Variants in KRTDAP observed in about 807,000 individuals in gnomAD.
KRTDAP encodes keratinocyte differentiation associated protein.
KRTDAP carries 14 observed loss-of-function variants against 18.6 expected under a neutral mutation model. That is an observed-to-expected ratio of 0.75 (90% CI 0.50 to 1.18). KRTDAP has a LOEUF of 1.18. Among genes scored for constraint, KRTDAP ranks in the 50% most tolerant of loss-of-function variants. KRTDAP has a pLI of 0.00. For synonymous variants in KRTDAP, 53 were observed against 49.5 expected, an observed-to-expected ratio of 1.07 and a Z score of -0.29; for missense variants, 114 against 121.3, an observed-to-expected ratio of 0.94 and a Z score of 0.28.
At chr19:35,488,970 A>C in intron 1 of KRTDAP, 130 bp from the exon 2 acceptor site, 2 of 778,248 alleles carry the variant, frequency 2.6e-6, no homozygotes, top group Non-Finnish European at 4.2e-6. Context: ...ATTCCCCACC[A>C]TGGTCTCCGT....
chr19:35,489,441 G>T (rs2067510531), intron 1 of KRTDAP, among the ~76,000 whole-genome samples: 1 of 152,082 alleles, frequency 6.6e-6, no homozygotes, highest in Non-Finnish European at 1.5e-5. Flanking sequence ...TTTGTTTTTT[G>T]GTTTGAATTA....
rs1010658199 is a variant in KRTDAP, at chr19:35,488,329, C to T, written c.213+112G>A. On this transcript the variant is annotated intron_variant, in intron 4 of 5. Transcript: ENST00000338897. The stretch of plus-strand genomic sequence containing the variant: ...GGGCAGCATCCAGGCAGGACAGTCA[C>T]TCCCTCCCAGAGATCAGGAACCAAC... The T allele has an allele frequency of 4.6e-6, 5 of 1,098,060 alleles. No individual in the cohort carries two copies. The African/African-American group carries it at 7.7e-5, about 17-fold the overall frequency. The allele number at this position is 1,098,060 out of a possible 1,614,324, so 68.0% of individuals were successfully genotyped here. A position where few individuals can be genotyped will look rare whatever the true frequency, so the allele number is the denominator to read the frequency against.
chr19:35,490,000 C>T (rs1408819656), intron 1 of KRTDAP, among the ~76,000 whole-genome samples: 2 of 152,150 alleles, frequency 1.3e-5, no homozygotes, highest in South Asian at 4.1e-4. Context: ...CTCCAGTTCC[C>T]CCTCTTCCCC....
chr19:35,488,814 C>T lies in KRTDAP; in HGVS notation c.114G>A (p.Ala38=), dbSNP rs781628840. Residue 38 remains alanine (A), a synonymous_variant, in exon 2 of 6, where the codon GCG becomes GCA. Coordinates refer to ENST00000338897, the MANE Select transcript of KRTDAP (RefSeq NM_207392.3). The part of the protein sequence containing the change: ...PEEESTIENY[A]SRPEAFNTPF... The stretch of plus-strand genomic sequence containing the variant: ...ACAGACGGCTTACCTCGGGTCGTGA[C>T]GCATAATTCTCAATGGTGCTTTCTT... The T allele has an allele frequency of 4.3e-5, 69 of 1,613,982 alleles. No homozygotes were observed. The highest frequency in any genetic ancestry group is 3.3e-4 in the Middle Eastern group (2 of 6,082).
chr19:35,488,354 C>T, intron 4 of KRTDAP, 87 bp downstream of exon 4: 3 of 1,359,168 alleles, frequency 2.2e-6, no homozygotes, highest in Non-Finnish European at 3.1e-6. Context: ...CAGGAACCAA[C>T]CCATACATTT....
At position 35,488,734 on chromosome 19, in the gene KRTDAP, T is replaced by G. The variant is rs755595202; in HGVS notation, c.127-31A>C. 37 of 1,613,960 alleles carry G rather than the reference T, an allele frequency of 2.3e-5. No individual in the cohort carries two copies. The Admixed American group carries it at 6.2e-4, about 27-fold the overall frequency. The stretch of plus-strand genomic sequence containing the variant: ...CAGAAACGCAGGGTGTTAGGAAAGT[T>G]GCTAAGAAGCAAAAAGAGAGAGAGG... On this transcript the variant is annotated intron_variant, in intron 2 of 5. Coordinates refer to ENST00000338897, the MANE Select transcript of KRTDAP (RefSeq NM_207392.3).
At chr19:35,488,978 C>A (rs890478974) in intron 1 of KRTDAP, 138 bp from the exon 2 acceptor site, 1 of 737,162 alleles carries the variant, frequency 1.4e-6, no homozygotes, top group South Asian at 1.8e-5. Flanking sequence ...CCATGGTCTC[C>A]GTTCCAGTCG....
chr19:35,490,369 AG>A lies in KRTDAP; in HGVS notation c.73del (p.Leu25TrpfsTer25), dbSNP rs2067515406. On this transcript the variant is annotated frameshift_variant, in exon 1 of 6. Coordinates refer to ENST00000338897, the MANE Select transcript of KRTDAP (RefSeq NM_207392.3). LOFTEE classifies it high-confidence loss of function. ...LVLHSAQGAT[L>X]GGPEEESTIE... ...TGACGTGCTCACCTCAGGACCACCC[AG>A]GGTGGCTCCCTGGGCAGAGTGGAGC... 3 of 1,611,748 alleles carry A rather than the reference AG, an allele frequency of 1.9e-6. No individual in the cohort carries two copies. Among genetic ancestry groups the A allele is most frequent in the South Asian group, 2.2e-5 (2 of 90,888 alleles).
intron 3 of KRTDAP, 87 bp from the exon 4 acceptor site, chr19:35,488,572 C>G (rs1166000804): frequency 1.2e-6 from 2 of 1,607,430 alleles, no homozygotes; most frequent in East Asian, 4.5e-5. Context: ...GGTGAAGGAA[C>G]CGTGGCAGCT....
rs766841840 is a variant in KRTDAP, at chr19:35,488,453, G to A, written c.201C>T (p.His67=). 18 of 1,612,964 alleles carry A rather than the reference G, an allele frequency of 1.1e-5. No homozygotes were observed. The highest frequency in any genetic ancestry group is 7.7e-5 in the South Asian group (7 of 90,868). Residue 67 remains histidine (H), a synonymous_variant, in exon 4 of 6, where the codon CAC becomes CAT. Transcript: ENST00000338897. The part of the protein sequence containing the change: ...AFKADEFLNW[H]ALFESIKRKL... ...CCGGAGCACTCACCTCAAAGAGGGC[G>A]TGCCAGTTCAGGAACTCATCAGCCT...
intron 5 of KRTDAP, 41 bp from the exon 6 acceptor site, chr19:35,487,507 G>A (rs1301718164): frequency 1.7e-5 from 26 of 1,564,522 alleles, no homozygotes; most frequent in Non-Finnish European, 2.3e-5. Flanking sequence ...GAACCCGTGG[G>A]TGCCCAGTAT....
Position 35,490,358 on chromosome 19 carries a change from C to T in KRTDAP, c.85G>A (p.Glu29Lys), listed in dbSNP as rs772437672. The T allele has an allele frequency of 1.5e-5, 24 of 1,607,506 alleles. No individual in the cohort carries two copies. The highest frequency in any genetic ancestry group is 2.0e-5 in the Non-Finnish European group (23 of 1,176,314). Reference protein sequence around the residue: ...SAQGATLGGPEEESTIENYAS... With the variant: ...SAQGATLGGPKEESTIENYAS... ...AAAAATGCAGGTGACGTGCTCACCT[C>T]AGGACCACCCAGGGTGGCTCCCTGG... is the stretch of plus-strand genomic sequence containing the variant. The change falls in exon 1 of 6, where the codon GAG (glutamate) becomes AAG (lysine). Residue 29 changes from glutamate (E) to lysine (K), a missense_variant and splice_region_variant. Glu to Lys is a moderately conservative substitution (Grantham distance 56, BLOSUM62 1). Transcript: ENST00000338897.
Position 35,488,890 on chromosome 19 carries a change from G to A in KRTDAP, c.88-50C>T, listed in dbSNP as rs777655641. 13 of 1,574,700 alleles carry A rather than the reference G, an allele frequency of 8.3e-6. No homozygotes were observed. The African/African-American group carries it at 1.1e-4, about 13-fold the overall frequency. On this transcript the variant is annotated intron_variant, in intron 1 of 5. Transcript: ENST00000338897. ...CGGCAGGGGGTCACGTGATGCCAGGGCCCTTGCCCACATCCCTGTCTGCCA... is the reference window on the plus strand; with the variant it reads ...CGGCAGGGGGTCACGTGATGCCAGGACCCTTGCCCACATCCCTGTCTGCCA...
chr19:35,488,567 A>T, intron 3 of KRTDAP, 82 bp from the exon 4 acceptor site: 1 of 1,607,804 alleles, frequency 6.2e-7, no homozygotes, highest in Non-Finnish European at 8.5e-7. Context: ...GAGAAGGTGA[A>T]GGAACCGTGG....
rs768380652 is a variant in KRTDAP, at chr19:35,487,722, G to T, written c.251C>A (p.Ala84Asp). 4 of 1,612,766 alleles carry T rather than the reference G, an allele frequency of 2.5e-6. No homozygotes were observed. Among genetic ancestry groups the T allele is most frequent in the African/African-American group, 1.3e-5 (1 of 74,848 alleles). ...KRKLPFLNWD[A>D]FPKLKGLRSA... The stretch of plus-strand genomic sequence containing the variant: ...GCCCACACCTCTTACCTTAGGAAAG[G>T]CATCCCAGTTGAGGAAAGGAAGTTT... Residue 84 changes from alanine (A) to aspartate (D), a missense_variant, in exon 5 of 6, where the codon GCC becomes GAC. Physicochemically the swap from Ala to Asp is moderately radical, Grantham distance 126. Transcript: ENST00000338897.
Position 35,488,479 on chromosome 19 carries a change from T to C in KRTDAP, c.175A>G (p.Lys59Glu). The change falls in exon 4 of 6, where the codon AAG becomes GAG. Residue 59 changes from lysine to glutamate, a missense_variant. Physicochemically the swap from Lys to Glu is moderately conservative, Grantham distance 56. Transcript: ENST00000338897. ...TGCCAGTTCAGGAACTCATCAGCCT[T>C]AAACGCCTGAGGAGGAAGAGAGACA... ...LNIDKLRSAF[K>E]ADEFLNWHAL... 1 of 1,613,660 alleles carries C rather than the reference T, an allele frequency of 6.2e-7. No individual in the cohort carries two copies. Among genetic ancestry groups the C allele is most frequent in the Non-Finnish European group, 8.5e-7 (1 of 1,179,840 alleles).
chr19:35,490,118 A>G (rs1423811828), intron 1 of KRTDAP, among the ~76,000 whole-genome samples: 1 of 152,128 alleles, frequency 6.6e-6, no homozygotes, highest in Non-Finnish European at 1.5e-5. Flanking sequence ...CCCAAGGTTC[A>G]GTACACGAGC....
At chr19:35,489,659 G>A (rs562942831) in intron 1 of KRTDAP, among the ~76,000 whole-genome samples, 11 of 152,200 alleles carry the variant, frequency 7.2e-5, no homozygotes, top group African/African-American at 2.6e-4. Flanking sequence ...CTTAGCAGCT[G>A]AGCCTGTGCC....
At chr19:35,490,294 A>T in intron 1 of KRTDAP, 62 bp downstream of exon 1, 1 of 994,768 alleles carries the variant, frequency 1.0e-6, no homozygotes, top group Non-Finnish European at 1.5e-6. Flanking sequence ...GACAGGAGGT[A>T]GAGAGATGGA....
Sources: gnomAD v4.1 joint callset for allele counts (sites outside exome capture counted in the v4.1 genomes callset) on GRCh38, gnomAD v4.1.1 for gene constraint, MANE v1.5 for transcripts, NCBI Gene and HGNC (gene_info 2026-07-23, HGNC 2026-07-21) for gene names.